The following NXPE2 variants were observed in gnomAD, a reference collection of about 807,000 sequenced individuals.
NXPE2 encodes NXPE family member 2.
A neutral mutation model predicts 34.4 loss-of-function variants in NXPE2; 34 were observed. That is an observed-to-expected ratio of 0.99 (90% CI 0.75 to 1.31). The LOEUF is 1.31. Ranked by LOEUF, NXPE2 falls within the 40% of genes most tolerant of loss-of-function variation. NXPE2 has a pLI of 0.00. For missense variants in NXPE2, 649 were observed against 672.5 expected (o/e 0.97, Z 0.39); for synonymous variants, 235 against 231.3 (o/e 1.02, Z -0.15).
chr11:114,621,874 C>T, the NXPE2 span, among the ~76,000 whole-genome samples: 4 of 150,420 alleles, frequency 2.7e-5, no homozygotes, highest in Non-Finnish European at 5.9e-5. Flanking sequence ...CTGTTACCTG[C>T]TGGATAATAA....
chr11:114,748,563 A>C, the NXPE2 span, among the ~76,000 whole-genome samples: 1 of 152,144 alleles, frequency 6.6e-6, no homozygotes, highest in Non-Finnish European at 1.5e-5. Flanking sequence ...ACTACAGACC[A>C]GTTACTTTTT....
At chr11:114,499,534 T>C in the NXPE2 span, among the ~76,000 whole-genome samples, 1 of 152,208 alleles carries the variant, frequency 6.6e-6, no homozygotes, top group Non-Finnish European at 1.5e-5. Context: ...TTTAATAGCC[T>C]GTAACTGCAT....
the NXPE2 span, among the ~76,000 whole-genome samples, chr11:114,550,585 G>T: frequency 1.3e-5 from 2 of 152,108 alleles, no homozygotes; most frequent in Non-Finnish European, 1.5e-5. Flanking sequence ...AAGTGGATCA[G>T]ATATTTATAG....
chr11:114,536,126 A>T, the NXPE2 span, among the ~76,000 whole-genome samples: 3 of 152,076 alleles, frequency 2.0e-5, no homozygotes, highest in East Asian at 3.9e-4. Flanking sequence ...GGATTAAGAA[A>T]CTCACTCAAA....
chr11:114,699,594 A>G (rs1313295040), intron 3 of NXPE2, among the ~76,000 whole-genome samples: 2 of 152,084 alleles, frequency 1.3e-5, no homozygotes, highest in Non-Finnish European at 2.9e-5. Context: ...GCATTTCACA[A>G]GCTTTGGTTT....
At chr11:114,666,445 A>G in the NXPE2 span, among the ~76,000 whole-genome samples, 1 of 152,218 alleles carries the variant, frequency 6.6e-6, no homozygotes, top group African/African-American at 2.4e-5. Context: ...ATTACTATCA[A>G]AGTATAAAAC....
chr11:114,587,811 C>T, the NXPE2 span, among the ~76,000 whole-genome samples: 1 of 152,156 alleles, frequency 6.6e-6, no homozygotes, highest in Non-Finnish European at 1.5e-5. Flanking sequence ...CTCTGGAGTG[C>T]TTTCTGAAGC....
the NXPE2 span, among the ~76,000 whole-genome samples, chr11:114,630,124 A>C: frequency 4.0e-5 from 6 of 151,702 alleles, no homozygotes; most frequent in African/African-American, 9.7e-5. Context: ...TCAATGCTGT[A>C]CCCATCAAGC....
At chr11:114,551,201 T>C in the NXPE2 span, 76 of 1,529,450 alleles carry the variant, frequency 5.0e-5, no homozygotes, top group African/African-American at 9.2e-4. Context: ...TTTGAGGACA[T>C]GACGAATGTC....
At chr11:114,651,124 A>C in the NXPE2 span, among the ~76,000 whole-genome samples, 2 of 152,094 alleles carry the variant, frequency 1.3e-5, no homozygotes, top group African/African-American at 4.8e-5. Flanking sequence ...GAATGTGTCC[A>C]GATTTGGTTC....
chr11:114,611,992 G>T, the NXPE2 span, among the ~76,000 whole-genome samples: 4 of 151,558 alleles, frequency 2.6e-5, no homozygotes, highest in Non-Finnish European at 4.4e-5. Flanking sequence ...CAGTTACCCA[G>T]TGGATAATAA....
At chr11:114,712,878 A>C in the NXPE2 span, among the ~76,000 whole-genome samples, 1 of 152,236 alleles carries the variant, frequency 6.6e-6, no homozygotes, top group Non-Finnish European at 1.5e-5. Context: ...AAGCACCTCA[A>C]ATGTCCATCA....
At chr11:114,787,167 A>G in the NXPE2 span, among the ~76,000 whole-genome samples, 10 of 148,492 alleles carry the variant, frequency 6.7e-5, no homozygotes, top group South Asian at 6.6e-4. Flanking sequence ...CACTGTCAAC[A>G]GGCGCACACA....
At chr11:114,586,255 C>T in the NXPE2 span, among the ~76,000 whole-genome samples, 1 of 152,198 alleles carries the variant, frequency 6.6e-6, no homozygotes, top group African/African-American at 2.4e-5. Flanking sequence ...CTTAAACTCA[C>T]TCCTTGTATG....
At chr11:114,516,190 T>G in the NXPE2 span, among the ~76,000 whole-genome samples, 1 of 152,096 alleles carries the variant, frequency 6.6e-6, no homozygotes, top group African/African-American at 2.4e-5. Flanking sequence ...TGCTGTTAAT[T>G]TTACTTGAAT....
chr11:114,579,822 G>A, the NXPE2 span, among the ~76,000 whole-genome samples: 1 of 152,178 alleles, frequency 6.6e-6, no homozygotes, highest in Non-Finnish European at 1.5e-5. Context: ...GGTTCTAGAA[G>A]CTGGACAATT....
At chr11:114,514,953 T>C in the NXPE2 span, among the ~76,000 whole-genome samples, 2 of 151,964 alleles carry the variant, frequency 1.3e-5, no homozygotes, top group Non-Finnish European at 2.9e-5. Context: ...TCTTTTAAAA[T>C]GAGGCTAAAA....
the NXPE2 span, among the ~76,000 whole-genome samples, chr11:114,608,613 T>A: frequency 6.6e-6 from 1 of 151,590 alleles, no homozygotes; most frequent in South Asian, 2.1e-4. Flanking sequence ...GGGTAACCAC[T>A]GTTACTTGGT....
chr11:114,798,250 G>T, the NXPE2 span, among the ~76,000 whole-genome samples: 2 of 152,150 alleles, frequency 1.3e-5, no homozygotes, highest in African/African-American at 2.4e-5. Flanking sequence ...CAAAATTTCT[G>T]TCACCAACAG....
Sources: allele counts gnomAD v4.1 joint callset (sites outside exome capture counted in the v4.1 genomes callset), GRCh38; gene constraint gnomAD v4.1.1; transcripts MANE v1.5; gene names NCBI Gene and HGNC (gene_info 2026-07-23, HGNC 2026-07-21).